ASB1: variants seen among roughly 807,000 people sequenced by gnomAD.
ASB1 encodes the protein ankyrin repeat and SOCS box protein 1.
A neutral mutation model predicts 27.7 loss-of-function variants in ASB1; 18 were observed. The ratio of observed to expected loss-of-function variants is 0.65; its 90% CI spans 0.45 to 0.96. The LOEUF (loss-of-function observed/expected upper bound fraction) is 0.96, where lower values mean the gene tolerates loss of function less well. Ranked by LOEUF, ASB1 falls within the 50% of genes least tolerant of loss-of-function variation. The pLI is 0.00. For synonymous variants in ASB1, 189 were observed against 187.6 expected, an observed-to-expected ratio of 1.01 and a Z score of -0.06; for missense variants, 397 against 451.7, an observed-to-expected ratio of 0.88 and a Z score of 1.10.
At chr2:238,442,725 C>G (rs780614830) in intron 3 of ASB1, among the ~76,000 whole-genome samples, 2 of 152,124 alleles carry the variant, frequency 1.3e-5, no homozygotes, top group Non-Finnish European at 2.9e-5. Context: ...CCAGTATATG[C>G]TATGGTGAAT....
rs1333270114 is a variant in ASB1 at position 238,435,886 on chromosome 2, C to T, written c.367C>T (p.His123Tyr). ...TALYVAVVNG[H>Y]LESTQILLEA... Reference sequence around the variant, plus strand: ...CCTGTATGTGGCTGTGGTGAACGGGCACCTAGAGAGTACCCAGATCCTTCT... The same window carrying T: ...CCTGTATGTGGCTGTGGTGAACGGGTACCTAGAGAGTACCCAGATCCTTCT... Residue 123 changes from histidine to tyrosine, a missense_variant, in exon 3 of 5, where the codon CAC (histidine) becomes TAC (tyrosine). Coordinates refer to ENST00000264607, the MANE Select transcript of ASB1 (RefSeq NM_001040445.3). 4 of 1,614,220 alleles carry T rather than the reference C, an allele frequency of 2.5e-6. No individual in the cohort carries two copies. The highest frequency in any genetic ancestry group is 1.7e-5 in the Admixed American group (1 of 60,030).
rs1276554099 is a variant in ASB1 at position 238,451,346 on chromosome 2, C to G, written c.*4835C>G. 2.0e-5 allele frequency: 3 copies of G among 152,188 alleles called. No individual in the cohort carries two copies. Among genetic ancestry groups the G allele is most frequent in the Non-Finnish European group, 2.9e-5 (2 of 68,056 alleles). The allele number at this position is 152,188 out of a possible 1,614,324, so 9.4% of individuals were successfully genotyped here. On this transcript the variant is annotated 3_prime_UTR_variant, in exon 5 of 5. Transcript: ENST00000264607. ...TTATGTTGCTTTGATTTCAAGATCTCTTAGATATACTAGGTAGTGTATGAA... is the reference window on the plus strand; with the variant it reads ...TTATGTTGCTTTGATTTCAAGATCTGTTAGATATACTAGGTAGTGTATGAA...
chr2:238,438,337 C>A (rs1319178547), intron 3 of ASB1, among the ~76,000 whole-genome samples: 1 of 151,232 alleles, frequency 6.6e-6, no homozygotes, highest in African/African-American at 2.4e-5. Context: ...GTAGCTGGGA[C>A]TACAGGCACC....
At position 238,433,690 on chromosome 2, in the gene ASB1, C is replaced by T. The variant is rs534141532; in HGVS notation, c.186C>T (p.Tyr62=). Residue 62 remains tyrosine, a synonymous_variant, in exon 2 of 5, where the codon TAC becomes TAT. Transcript: ENST00000264607. ...GGAGCCTATTGCAAGAGGAGAGCTA[C>T]CGGAGGTGAGCGGCGCTGCCCAGGG... ...TLRSLLQEES[Y]RSRINEKSVW... The T allele has an allele frequency of 1.2e-6, 2 of 1,613,894 alleles. No individual in the cohort carries two copies. The highest frequency in any genetic ancestry group is 1.7e-5 in the Admixed American group (1 of 60,016).
intron 1 of ASB1, among the ~76,000 whole-genome samples, chr2:238,431,240 CTTTGTACTTTTGTGT>C (rs1701867013): frequency 6.6e-6 from 1 of 152,154 alleles, no homozygotes; most frequent in Non-Finnish European, 1.5e-5. Flanking sequence ...TGCTGCTTCA[CTTTGTACTTTTGTGT>C]GATGGAGATG....
intron 4 of ASB1, among the ~76,000 whole-genome samples, chr2:238,445,948 C>T (rs1013199353): frequency 6.6e-6 from 1 of 152,218 alleles, no homozygotes; most frequent in Non-Finnish European, 1.5e-5. Flanking sequence ...TCAGCCTGTG[C>T]CCCTCAAGCA....
intron 3 of ASB1, among the ~76,000 whole-genome samples, chr2:238,440,556 C>T (rs990319601): frequency 1.3e-5 from 2 of 152,220 alleles, no homozygotes; most frequent in African/African-American, 4.8e-5. Flanking sequence ...ATACATGGCT[C>T]CTGACCTGTT....
chr2:238,427,146 C>T lies in ASB1; in HGVS notation c.49+27C>T, dbSNP rs527262869. ...TAACGTGCGCGCGGCCACTGGGCCG[C>T]GGGGCGTGTGGGGATGGCGAAGGGC... On this transcript the variant is annotated intron_variant, in intron 1 of 4. Coordinates refer to ENST00000264607, the MANE Select transcript of ASB1 (RefSeq NM_001040445.3). 42 of 1,237,220 alleles carry T rather than the reference C, an allele frequency of 3.4e-5. 1 individual carries two copies. The South Asian group carries it at 1.3e-3, about 37-fold the overall frequency. 76.6% of individuals were successfully genotyped at this position (1,237,220 alleles called of 1,614,324 possible).
At chr2:238,432,507 C>T (rs1034266457) in intron 1 of ASB1, among the ~76,000 whole-genome samples, 4 of 152,150 alleles carry the variant, frequency 2.6e-5, no homozygotes, top group African/African-American at 9.7e-5. Context: ...TGAGGAGTTT[C>T]TTAGGCAGGC....
chr2:238,435,673 G>T, intron 2 of ASB1, 38 bp from the exon 3 acceptor site: 1 of 1,578,996 alleles, frequency 6.3e-7, no homozygotes, highest in South Asian at 1.2e-5. Context: ...CCTGTCCTGC[G>T]GCTGCCTCTC....
At chr2:238,441,812 T>C (rs1217249399) in intron 3 of ASB1, among the ~76,000 whole-genome samples, 1 of 152,248 alleles carries the variant, frequency 6.6e-6, no homozygotes, top group African/African-American at 2.4e-5. Flanking sequence ...TTCCATAGTT[T>C]TGCAGATGTA....
intron 1 of ASB1, among the ~76,000 whole-genome samples, chr2:238,428,218 A>T (rs1701799128): frequency 6.6e-6 from 1 of 152,244 alleles, no homozygotes; most frequent in African/African-American, 2.4e-5. Flanking sequence ...TCCGTGGGAA[A>T]AAGAGGACCA....
At chr2:238,430,903 C>A (rs1701859700) in intron 1 of ASB1, among the ~76,000 whole-genome samples, 1 of 152,206 alleles carries the variant, frequency 6.6e-6, no homozygotes, top group Admixed American at 6.5e-5. Flanking sequence ...ATTCACTAAC[C>A]ATGCTGTGAA....
chr2:238,446,451 T>A lies in ASB1; in HGVS notation c.948T>A (p.Leu316=), dbSNP rs1702181817. Residue 316 remains leucine (L), a synonymous_variant, in exon 5 of 5, where the codon CTT becomes CTA. Coordinates refer to ENST00000264607, the MANE Select transcript of ASB1 (RefSeq NM_001040445.3). ...AVRRALGKHR[L]HLIPSLPLPD... is the part of the protein sequence containing the mutation. ...GAAGAGCTCTTGGCAAACACCGGCT[T>A]CATCTGATTCCTTCGCTGCCTCTGC... 1 of 1,614,064 alleles carries A rather than the reference T, an allele frequency of 6.2e-7. No individual in the cohort carries two copies. Among genetic ancestry groups the A allele is most frequent in the Non-Finnish European group, 8.5e-7 (1 of 1,180,024 alleles).
rs1702185957 is a variant in ASB1 at position 238,446,606 on chromosome 2, G to A, written c.*95G>A. 1 of 1,494,166 alleles carries A rather than the reference G, an allele frequency of 6.7e-7. No individual in the cohort carries two copies. The highest frequency in any genetic ancestry group is 9.2e-7 in the Non-Finnish European group (1 of 1,085,194). 92.6% of individuals were successfully genotyped at this position (1,494,166 alleles called of 1,614,324 possible). On this transcript the variant is annotated 3_prime_UTR_variant, in exon 5 of 5. Coordinates refer to ENST00000264607, the MANE Select transcript of ASB1 (RefSeq NM_001040445.3). ...AGTGCTGTGCTGCTGCTGGTCTCCTGATGGCTGTTGCTGCAGAAGATGTCC... is the reference window on the plus strand; with the variant it reads ...AGTGCTGTGCTGCTGCTGGTCTCCTAATGGCTGTTGCTGCAGAAGATGTCC...
chr2:238,451,627 G>A lies in ASB1; in HGVS notation c.*5116G>A, dbSNP rs1283718334. ...GGTAATCAACACGTGTTTGCCTGCA[G>A]TGGCCGGGACCGTGACTGTTTCTGC... is the stretch of plus-strand genomic sequence containing the variant. On this transcript the variant is annotated 3_prime_UTR_variant, in exon 5 of 5. Coordinates refer to ENST00000264607, the MANE Select transcript of ASB1 (RefSeq NM_001040445.3). 2.0e-5 allele frequency: 3 copies of A among 152,724 alleles called. No homozygotes were observed. The highest frequency in any genetic ancestry group is 2.9e-5 in the Non-Finnish European group (2 of 68,096). 9.5% of individuals were successfully genotyped at this position (152,724 alleles called of 1,614,324 possible).
In ASB1 at chr2:238,435,955, AC is replaced by A; in HGVS notation, c.440del (p.Pro147LeufsTer14). On this transcript the variant is annotated frameshift_variant, in exon 3 of 5. Coordinates refer to ENST00000264607, the MANE Select transcript of ASB1 (RefSeq NM_001040445.3). LOFTEE classifies it high-confidence loss of function. ...DPNGSRHHRS[T>X]PVYHASRVGR... ...CAACGGAAGCCGGCACCATCGCAGC[AC>A]CCCTGTCTACCACGCCTCTCGCGTG... The A allele has an allele frequency of 1.2e-6, 2 of 1,613,802 alleles. No homozygotes were observed. The highest frequency in any genetic ancestry group is 1.7e-6 in the Non-Finnish European group (2 of 1,179,980).
intron 1 of ASB1, among the ~76,000 whole-genome samples, chr2:238,430,486 A>G (rs1200731923): frequency 6.6e-6 from 1 of 152,206 alleles, no homozygotes; most frequent in Non-Finnish European, 1.5e-5. Flanking sequence ...TACTTCCTCC[A>G]TTTAAGTCTT....
chr2:238,439,346 G>A (rs550801653), intron 3 of ASB1, among the ~76,000 whole-genome samples: 8 of 152,274 alleles, frequency 5.3e-5, no homozygotes, highest in African/African-American at 1.9e-4. Flanking sequence ...GTGTTGGTCC[G>A]TGTGCTGGTC....
Sources: gnomAD v4.1 joint callset for allele counts (sites outside exome capture counted in the v4.1 genomes callset) on GRCh38, gnomAD v4.1.1 for gene constraint, MANE v1.5 for transcripts, NCBI Gene and HGNC (gene_info 2026-07-23, HGNC 2026-07-21) for gene names.